The following FBXW12 variants were observed in gnomAD, a reference collection of about 807,000 sequenced individuals.
FBXW12 encodes the protein F-box and WD repeat domain containing 12, also known as F-box/WD repeat-containing protein 12.
FBXW12 carries 43 observed loss-of-function variants against 55.3 expected under a neutral mutation model. That is an observed-to-expected ratio of 0.78 (90% CI 0.61 to 1.00). The LOEUF (loss-of-function observed/expected upper bound fraction) is 1.00. FBXW12 is among the 50% of genes least tolerant of loss of function. The pLI is 0.00. For missense variants in FBXW12, 524 were observed against 560.5 expected, an observed-to-expected ratio of 0.93 and a Z score of 0.66; for synonymous variants, 184 against 203.8, an observed-to-expected ratio of 0.90 and a Z score of 0.83.
In FBXW12 at chr3:48,380,812, C is replaced by G; in HGVS notation, c.885C>G (p.Asn295Lys). The G allele has an allele frequency of 1.2e-6, 2 of 1,614,144 alleles. No homozygotes were observed. Among genetic ancestry groups the G allele is most frequent in the Non-Finnish European group, 1.7e-6 (2 of 1,180,002 alleles). Residue 295 changes from asparagine to lysine, a missense_variant, in exon 8 of 11, where the codon AAC becomes AAG. Coordinates refer to ENST00000296438, the MANE Select transcript of FBXW12 (RefSeq NM_207102.2). ...CCTGCTGGACCCCAAAGGTGAAAAACAGGATAACACTGATGTCCCAAAGTA... is the reference window on the plus strand; with the variant it reads ...CCTGCTGGACCCCAAAGGTGAAAAAGAGGATAACACTGATGTCCCAAAGTA... Reference protein sequence around the residue: ...ASACWTPKVKNRITLMSQSST... With the variant: ...ASACWTPKVKKRITLMSQSST...
At position 48,394,571 on chromosome 3, in the gene FBXW12, G is replaced by A; in HGVS notation, c.1307G>A (p.Ser436Asn). Residue 436 changes from serine to asparagine, a missense_variant, in exon 11 of 11, where the codon AGT (serine) becomes AAT (asparagine). Transcript: ENST00000296438. ...HDHTTDSCISSVMCDNASIVL... is the reference protein window; with the variant it reads ...HDHTTDSCISNVMCDNASIVL... The stretch of plus-strand genomic sequence containing the variant: ...TTTTCCATTGACAGCTGCATCTCCA[G>A]TGTGATGTGTGATAATGCAAGCATA... 1.3e-6 allele frequency: 2 copies of A among 1,596,464 alleles called. No homozygotes were observed. The highest frequency in any genetic ancestry group is 1.7e-6 in the Non-Finnish European group (2 of 1,169,002).
In FBXW12 at chr3:48,380,859, T is replaced by C. The variant is rs1479774113; in HGVS notation, c.932T>C (p.Phe311Ser). Reference sequence around the variant, plus strand: ...AGTAGCACTGGAAAAAAGACAGAATTTATCACCTTTGATCTAACAACCAAG... The same window carrying C: ...AGTAGCACTGGAAAAAAGACAGAATCTATCACCTTTGATCTAACAACCAAG... ...SQSSTGKKTE[F>S]ITFDLTTKKT... The change falls in exon 8 of 11, where the codon TTT (phenylalanine) becomes TCT (serine). Residue 311 changes from phenylalanine (F) to serine (S), a missense_variant. Coordinates refer to ENST00000296438, the MANE Select transcript of FBXW12 (RefSeq NM_207102.2). 1 of 1,613,928 alleles carries C rather than the reference T, an allele frequency of 6.2e-7. No individual in the cohort carries two copies. The highest frequency in any genetic ancestry group is 8.5e-7 in the Non-Finnish European group (1 of 1,180,020).
chr3:48,379,312 A>G, intron 6 of FBXW12, 88 bp from the exon 7 acceptor site: 1 of 1,193,214 alleles, frequency 8.4e-7, no homozygotes, highest in Non-Finnish European at 1.2e-6. Flanking sequence ...AAACAGTGGC[A>G]TATCTTGCAG....
intron 10 of FBXW12, among the ~76,000 whole-genome samples, chr3:48,390,702 C>T (rs1379172107): frequency 6.6e-6 from 1 of 152,016 alleles, no homozygotes; most frequent in African/African-American, 2.4e-5. Flanking sequence ...GCGTGAGCCA[C>T]CACATCTGGC....
chr3:48,372,682 A>G lies in FBXW12; in HGVS notation c.-84-2A>G. On this transcript the variant is annotated splice_acceptor_variant, in intron 1 of 10. Coordinates refer to ENST00000296438, the MANE Select transcript of FBXW12 (RefSeq NM_207102.2). LOFTEE classifies it low-confidence loss of function (5UTR_SPLICE). ...ATGGGCATGGGTGAAAATCTTTACA[A>G]GTGCTGCAGACTTTGGCAAAGCCTA... 1.2e-6 allele frequency: 2 copies of G among 1,609,204 alleles called. No individual in the cohort carries two copies. Among genetic ancestry groups the G allele is most frequent in the Non-Finnish European group, 1.7e-6 (2 of 1,176,302 alleles).
In FBXW12 at chr3:48,379,556, C is replaced by A. The variant is rs1405651175; in HGVS notation, c.772C>A (p.Gln258Lys). The A allele has an allele frequency of 6.2e-7, 1 of 1,613,478 alleles. No individual in the cohort carries two copies. The highest frequency in any genetic ancestry group is 8.5e-7 in the Non-Finnish European group (1 of 1,179,428). ...TGGGACATACAGTCGTACCTTGCCA[C>A]AGGTAGGTGCTGTTCTGTGTATTTC... ...ACGTYSRTLP[Q>K]VFLTESLLRP... The change falls in exon 7 of 11, where the codon CAG becomes AAG. Residue 258 changes from glutamine to lysine, a missense_variant and splice_region_variant. Gln to Lys is a moderately conservative substitution (Grantham distance 53). Coordinates refer to ENST00000296438, the MANE Select transcript of FBXW12 (RefSeq NM_207102.2).
intron 4 of FBXW12, among the ~76,000 whole-genome samples, 153 bp from the exon 5 acceptor site, chr3:48,375,201 T>C (rs2036665102): frequency 6.6e-6 from 1 of 152,234 alleles, no homozygotes; most frequent in South Asian, 2.1e-4. Flanking sequence ...CGTGGGAACC[T>C]GTGTTTGGAT....
chr3:48,373,693 A>G lies in FBXW12; in HGVS notation c.274A>G (p.Thr92Ala), dbSNP rs1180201513. Reference sequence around the variant, plus strand: ...GCCGCATAACTTTATCTACAAAGTAACTAAGAACATCGGTATGGGTATAGG... The same window carrying G: ...GCCGCATAACTTTATCTACAAAGTAGCTAAGAACATCGGTATGGGTATAGG... ...AQPHNFIYKVTKNIAFETELA... is the reference protein window; with the variant it reads ...AQPHNFIYKVAKNIAFETELA... Residue 92 changes from threonine to alanine, a missense_variant, in exon 4 of 11, where the codon ACT becomes GCT. By Grantham distance (58) the Thr-to-Ala change is moderately conservative (BLOSUM62 0). Transcript: ENST00000296438. The G allele has an allele frequency of 1.9e-6, 3 of 1,613,882 alleles. No individual in the cohort carries two copies. In the South Asian group the frequency reaches 3.3e-5, roughly 18 times the overall value.
At chr3:48,386,505 G>A (rs1435653097) in intron 10 of FBXW12, among the ~76,000 whole-genome samples, 18 of 152,166 alleles carry the variant, frequency 1.2e-4, no homozygotes, top group Non-Finnish European at 1.5e-5. Context: ...TTTTAGGATT[G>A]CTTTTTCTAT....
chr3:48,376,251 G>A (rs1446027805), intron 5 of FBXW12, among the ~76,000 whole-genome samples: 1 of 151,578 alleles, frequency 6.6e-6, no homozygotes, highest in African/African-American at 2.4e-5. Flanking sequence ...CAAAGTGCTG[G>A]GATTACAAGC....
chr3:48,377,989 G>A (rs1055193327), intron 5 of FBXW12, among the ~76,000 whole-genome samples: 4 of 152,158 alleles, frequency 2.6e-5, no homozygotes, highest in Non-Finnish European at 5.9e-5. Context: ...AGATGTGAAA[G>A]GTAATGACAG....
chr3:48,378,370 A>T lies in FBXW12; in HGVS notation c.459A>T (p.Val153=), dbSNP rs1420766638. ...AGGAGTTCCATTTCTCAAATCTGGT[A>T]ACCCTCCCTCAGATGCATCTCGCCA... ...PVQEFHFSNL[V]TLPQMHLAIT... The change falls in exon 6 of 11, where the codon GTA becomes GTT. Residue 153 remains valine, a synonymous_variant. Coordinates refer to ENST00000296438, the MANE Select transcript of FBXW12 (RefSeq NM_207102.2). 1.2e-6 allele frequency: 2 copies of T among 1,613,988 alleles called. No homozygotes were observed. Among genetic ancestry groups the T allele is most frequent in the African/African-American group, 1.3e-5 (1 of 74,914 alleles).
intron 10 of FBXW12, among the ~76,000 whole-genome samples, chr3:48,386,137 A>G (rs1247738223): frequency 6.6e-6 from 1 of 152,144 alleles, no homozygotes; most frequent in East Asian, 1.9e-4. Context: ...TTCAGGTTTT[A>G]TATTTAAGTC....
chr3:48,374,110 C>T (rs1218563007), intron 4 of FBXW12, among the ~76,000 whole-genome samples: 5 of 152,068 alleles, frequency 3.3e-5, no homozygotes, highest in African/African-American at 1.2e-4. Context: ...CTTGAGCCCA[C>T]GAGTTCAAGA....
chr3:48,376,157 T>A (rs1222135904), intron 5 of FBXW12, among the ~76,000 whole-genome samples: 1 of 151,986 alleles, frequency 6.6e-6, no homozygotes, highest in African/African-American at 2.4e-5. Context: ...AATTTTTGTA[T>A]TTTTAGTAGA....
At chr3:48,384,770 T>C (rs1275634469) in intron 10 of FBXW12, among the ~76,000 whole-genome samples, 15 of 152,186 alleles carry the variant, frequency 9.9e-5, no homozygotes, top group Admixed American at 9.8e-4. Flanking sequence ...TATAAGCATA[T>C]AGTTTTTCTT....
chr3:48,387,705 T>A lies in FBXW12; in HGVS notation c.1295+5620T>A, dbSNP rs529736780. Among the ~76,000 whole-genome samples the A allele has an allele frequency of 3.9e-5, 6 of 152,194 alleles. No homozygotes were observed. In the East Asian group the frequency reaches 1.2e-3, roughly 29 times the overall value. On this transcript the variant is annotated intron_variant, in intron 10 of 10. Coordinates refer to ENST00000296438, the MANE Select transcript of FBXW12 (RefSeq NM_207102.2). ...CTTGGATTACAGGGGTGTACCACCA[T>A]GCCAGACTATTTTTTAATTAATTAA...
intron 10 of FBXW12, among the ~76,000 whole-genome samples, chr3:48,393,830 G>A (rs974771459): frequency 6.7e-6 from 1 of 149,078 alleles, no homozygotes; most frequent in African/African-American, 2.5e-5. Flanking sequence ...CCAGCCTGGA[G>A]TGCAGTAGCG....
chr3:48,391,357 T>C (rs866143617), intron 10 of FBXW12, among the ~76,000 whole-genome samples: 13 of 140,410 alleles, frequency 9.3e-5, no homozygotes, highest in African/African-American at 2.8e-4. Context: ...CACACACACA[T>C]ATATATATAA....
Sources: allele counts gnomAD v4.1 joint callset (sites outside exome capture counted in the v4.1 genomes callset), GRCh38; gene constraint gnomAD v4.1.1; transcripts MANE v1.5; gene names NCBI Gene and HGNC (gene_info 2026-07-23, HGNC 2026-07-21).